The following QTMAN variants were observed in gnomAD, a reference collection of about 807,000 sequenced individuals.
QTMAN encodes tRNA-queuosine alpha-mannosyltransferase.
the QTMAN span, among the ~76,000 whole-genome samples, chr2:143,958,966 G>A: frequency 6.6e-6 from 1 of 151,798 alleles, no homozygotes; most frequent in Non-Finnish European, 1.5e-5. Flanking sequence ...AAGAGGCTAT[G>A]AGAATAACAA....
chr2:144,321,441 T>C, the QTMAN span, among the ~76,000 whole-genome samples: 2 of 152,224 alleles, frequency 1.3e-5, no homozygotes. Flanking sequence ...GAAACACTCA[T>C]ACTATTAATG....
the QTMAN span, among the ~76,000 whole-genome samples, chr2:144,295,989 T>G: frequency 6.6e-6 from 1 of 152,196 alleles, no homozygotes; most frequent in Admixed American, 6.5e-5. Context: ...AAATTTATTT[T>G]TCAGAACACT....
At chr2:143,987,873 C>T in the QTMAN span, among the ~76,000 whole-genome samples, 1 of 152,148 alleles carries the variant, frequency 6.6e-6, no homozygotes, top group Non-Finnish European at 1.5e-5. Context: ...CCTAACCCTC[C>T]CAACTTCCCG....
chr2:144,184,887 A>T, the QTMAN span, among the ~76,000 whole-genome samples: 1 of 152,124 alleles, frequency 6.6e-6, no homozygotes, highest in Non-Finnish European at 1.5e-5. Context: ...AGGAGGGAAA[A>T]GTCTAATGCT....
the QTMAN span, among the ~76,000 whole-genome samples, chr2:144,254,895 T>C: frequency 1.3e-5 from 2 of 152,242 alleles, no homozygotes; most frequent in African/African-American, 4.8e-5. Context: ...ATGACTGCTC[T>C]ATTGCATTTC....
chr2:144,180,353 CAT>C, the QTMAN span, among the ~76,000 whole-genome samples: 1 of 152,120 alleles, frequency 6.6e-6, no homozygotes, highest in Non-Finnish European at 1.5e-5. Flanking sequence ...AAATCTTTCA[CAT>C]GTGCCAAAAT....
the QTMAN span, among the ~76,000 whole-genome samples, chr2:144,047,038 A>G: frequency 1.3e-5 from 2 of 152,174 alleles, no homozygotes; most frequent in African/African-American, 4.8e-5. Context: ...TGGGAGTCTG[A>G]GGCAGGGACT....
chr2:144,177,273 TTTTGTTTATTTTAAACTAGACA>T, the QTMAN span: 3 of 659,390 alleles, frequency 4.5e-6, no homozygotes, highest in Non-Finnish European at 5.4e-6. Flanking sequence ...AAAACATTGT[TTTTGTTTATTTTAAACTAGACA>T]AACTGATTCT....
the QTMAN span, among the ~76,000 whole-genome samples, chr2:144,105,232 G>A: frequency 1.3e-5 from 2 of 152,216 alleles, no homozygotes; most frequent in Admixed American, 6.5e-5. Flanking sequence ...CTCCTCGCCA[G>A]CAACAGAGCA....
the QTMAN span, among the ~76,000 whole-genome samples, chr2:144,238,633 T>C: frequency 6.6e-6 from 1 of 152,198 alleles, no homozygotes; most frequent in Admixed American, 6.5e-5. Context: ...ATCCTATTCA[T>C]TTATGCTGTT....
At chr2:144,212,444 A>G in the QTMAN span, among the ~76,000 whole-genome samples, 1 of 152,168 alleles carries the variant, frequency 6.6e-6, no homozygotes, top group Non-Finnish European at 1.5e-5. Flanking sequence ...CCTGAGCAAC[A>G]AGAGCAAAAC....
the QTMAN span, among the ~76,000 whole-genome samples, chr2:144,294,952 A>T: frequency 6.6e-6 from 1 of 152,228 alleles, no homozygotes; most frequent in Non-Finnish European, 1.5e-5. Flanking sequence ...GGAAAAATGA[A>T]CTTGAAGAAA....
the QTMAN span, among the ~76,000 whole-genome samples, chr2:144,136,319 C>A: frequency 5.6e-5 from 8 of 142,934 alleles, no homozygotes; most frequent in Non-Finnish European, 1.2e-4. Flanking sequence ...GAGAGAGACC[C>A]TGTCAAAAGA....
chr2:144,098,533 G>A, the QTMAN span, among the ~76,000 whole-genome samples: 2 of 151,772 alleles, frequency 1.3e-5, no homozygotes, highest in Admixed American at 6.6e-5. Flanking sequence ...TGGGCAACAC[G>A]GTGAAACCCC....
At chr2:144,266,185 T>C in the QTMAN span, among the ~76,000 whole-genome samples, 3 of 152,214 alleles carry the variant, frequency 2.0e-5, no homozygotes, top group African/African-American at 7.2e-5. Flanking sequence ...GAGAAAATGA[T>C]GGAAAGGAAA....
At chr2:144,108,056 C>A in the QTMAN span, among the ~76,000 whole-genome samples, 1 of 152,130 alleles carries the variant, frequency 6.6e-6, no homozygotes, top group Admixed American at 6.5e-5. Context: ...ATTCAACAGC[C>A]CTTCATGCTA....
chr2:144,284,507 A>C, the QTMAN span, among the ~76,000 whole-genome samples: 1 of 152,078 alleles, frequency 6.6e-6, no homozygotes, highest in African/African-American at 2.4e-5. Context: ...AAATGACAAA[A>C]CATTAACAGT....
At chr2:144,138,931 C>T in the QTMAN span, among the ~76,000 whole-genome samples, 1 of 151,906 alleles carries the variant, frequency 6.6e-6, no homozygotes, top group Non-Finnish European at 1.5e-5. Context: ...TATGTTTAGT[C>T]CATGATTATA....
the QTMAN span, among the ~76,000 whole-genome samples, chr2:144,131,390 C>T: frequency 6.6e-6 from 1 of 151,844 alleles, no homozygotes; most frequent in African/African-American, 2.4e-5. Flanking sequence ...GTGCTTCCTC[C>T]TTTTCATTGT....
Sources: gnomAD v4.1 joint callset for allele counts (sites outside exome capture counted in the v4.1 genomes callset) on GRCh38, gnomAD v4.1.1 for gene constraint, MANE v1.5 for transcripts, NCBI Gene and HGNC (gene_info 2026-07-23, HGNC 2026-07-21) for gene names.